Variants in ITIH6 observed in about 807,000 individuals in gnomAD.
The protein encoded by ITIH6 is inter-alpha-trypsin inhibitor heavy chain H6.
Under a neutral mutation model 58.2 loss-of-function variants are expected in ITIH6, and 60 were observed. The observed-to-expected ratio is 1.03, with a 90% CI of 0.84 to 1.28. ITIH6 has a LOEUF of 1.28. ITIH6 is among the 50% of genes most tolerant of loss of function. The probability of loss-of-function intolerance (pLI) is 0.00; values close to 1 mark genes in which losing one functional copy is unlikely to be tolerated. For synonymous variants in ITIH6, 493 were observed against 417.4 expected (o/e 1.18, Z -2.21); for missense variants, 1,290 against 1,021.1 (o/e 1.26, Z -3.59).
chrX:54,773,963 G>T, intron 6 of ITIH6, 118 bp downstream of exon 6: 1 of 400,913 alleles, frequency 2.5e-6, no homozygotes, highest in Non-Finnish European at 4.3e-6. Context: ...AAGCCTGTAA[G>T]ACTCAAGGGT....
At position 54,749,028 on chromosome X, in the gene ITIH6, T is replaced by A. The variant is rs1018845339; in HGVS notation, c.*867A>T. On this transcript the variant is annotated 3_prime_UTR_variant, in exon 13 of 13. Transcript: ENST00000218436. ...ATGTTTGTTTTGTGATTCCTGTGTT[T>A]CCATAAATGTCTGTCCCTCTATCCA... 1 of 111,703 alleles carries A rather than the reference T, an allele frequency of 9.0e-6. No homozygotes were observed. The highest frequency in any genetic ancestry group is 9.5e-5 in the Admixed American group (1 of 10,506). 9.2% of individuals were successfully genotyped at this position (111,703 alleles called of 1,213,427 possible). A position where few individuals can be genotyped will look rare whatever the true frequency, so the allele number is the denominator to read the frequency against.
intron 6 of ITIH6, among the ~76,000 whole-genome samples, chrX:54,767,488 G>C (rs2147608640): frequency 1.0e-5 from 1 of 100,169 alleles, no homozygotes; most frequent in South Asian, 4.4e-4. Context: ...ATGTTAGGGT[G>C]TCCATTTTGG....
At chrX:54,792,610 A>C (rs1254690484) in intron 2 of ITIH6, among the ~76,000 whole-genome samples, 1 of 111,474 alleles carries the variant, frequency 9.0e-6, no homozygotes, top group Admixed American at 9.6e-5. Flanking sequence ...ATTGTGAAAG[A>C]AGTGTGCAAA....
Position 54,749,942 on chromosome X carries a change from G to C in ITIH6, c.3895C>G (p.His1299Asp). 8.3e-7 allele frequency: 1 copy of C among 1,211,418 alleles called. No homozygotes were observed. Among genetic ancestry groups the C allele is most frequent in the Non-Finnish European group, 1.1e-6 (1 of 895,275 alleles). ...GGGTGGCCCAGAAGCAGCTCTACAT[G>C]AGAGCGCTTCACCAGCCAGCAGGAA... is the stretch of plus-strand genomic sequence containing the variant. ...WASCWLVKRSHVELLLGHPYL... is the reference protein window; with the variant it reads ...WASCWLVKRSDVELLLGHPYL... Residue 1299 changes from histidine to aspartate, a missense_variant, in exon 13 of 13, where the codon CAT (histidine) becomes GAT (aspartate). By Grantham distance (81) the His-to-Asp change is moderately conservative. Coordinates refer to ENST00000218436, the MANE Select transcript of ITIH6 (RefSeq NM_198510.3).
chrX:54,788,983 T>C (rs951311545), intron 4 of ITIH6, among the ~76,000 whole-genome samples: 2 of 112,487 alleles, frequency 1.8e-5, no homozygotes, highest in African/African-American at 6.5e-5. Context: ...AGGCGTGGCA[T>C]GTCCGGAGGT....
chrX:54,758,725 C>T lies in ITIH6; in HGVS notation c.1349G>A (p.Arg450Gln), dbSNP rs186138716. The T allele has an allele frequency of 6.6e-6, 8 of 1,209,540 alleles. No individual in the cohort carries two copies. The South Asian group carries it at 7.1e-5, about 11-fold the overall frequency. The change falls in exon 8 of 13, where the codon CGG becomes CAG. Residue 450 changes from arginine to glutamine, a missense_variant. Coordinates refer to ENST00000218436, the MANE Select transcript of ITIH6 (RefSeq NM_198510.3). ...RLSLENRGIA[R>Q]RIYEDTDAAL... The stretch of plus-strand genomic sequence containing the variant: ...CGCATCAGTGTCCTCATATATGCGC[C>T]GGGCTATTCCCCGGTTTTCCAGGGA...
chrX:54,770,472 C>T (rs1361381727), intron 6 of ITIH6, among the ~76,000 whole-genome samples: 1 of 112,925 alleles, frequency 8.9e-6, no homozygotes, highest in Non-Finnish European at 1.9e-5. Flanking sequence ...GGGCATTTTA[C>T]ATGATCCCGT....
intron 5 of ITIH6, among the ~76,000 whole-genome samples, chrX:54,786,573 G>A (rs1157913932): frequency 9.0e-6 from 1 of 111,068 alleles, no homozygotes; most frequent in Non-Finnish European, 1.9e-5. Flanking sequence ...GTTTTAGCCT[G>A]TTTCTTTTCT....
intron 11 of ITIH6, among the ~76,000 whole-genome samples, chrX:54,753,273 G>A (rs1337926063): frequency 8.9e-6 from 1 of 112,718 alleles, no homozygotes; most frequent in Non-Finnish European, 1.9e-5. Flanking sequence ...AAATTCCCAG[G>A]ACCCTCAGTT....
chrX:54,751,301 G>T lies in ITIH6; in HGVS notation c.3432C>A (p.Ile1144=), dbSNP rs1396874824. 2.5e-6 allele frequency: 3 copies of T among 1,210,170 alleles called. No homozygotes were observed. The highest frequency in any genetic ancestry group is 3.4e-6 in the Non-Finnish European group (3 of 895,090). Residue 1144 remains isoleucine (I), a synonymous_variant, in exon 12 of 13, where the codon ATC becomes ATA. Coordinates refer to ENST00000218436, the MANE Select transcript of ITIH6 (RefSeq NM_198510.3). ...HKDQTRTYFQ[I]ITVTTDKPRA... Reference sequence around the variant, plus strand: ...GGGGTTTGTCTGTAGTGACTGTGATGATCTGGAAGTAGGTGCGAGTCTGGT... The same window carrying T: ...GGGGTTTGTCTGTAGTGACTGTGATTATCTGGAAGTAGGTGCGAGTCTGGT...
intron 6 of ITIH6, among the ~76,000 whole-genome samples, chrX:54,761,895 G>A (rs933051785): frequency 3.6e-5 from 4 of 111,519 alleles, no homozygotes; most frequent in African/African-American, 1.3e-4. Flanking sequence ...TTGTTCTTTT[G>A]GCTTAAGACT....
intron 11 of ITIH6, among the ~76,000 whole-genome samples, chrX:54,753,320 A>G (rs747605560): frequency 8.9e-6 from 1 of 112,742 alleles, no homozygotes; most frequent in African/African-American, 3.2e-5. Flanking sequence ...ATCATTGCTT[A>G]TCTTGTACTT....
chrX:54,779,811 A>G (rs1164494949), intron 5 of ITIH6, among the ~76,000 whole-genome samples: 1 of 111,393 alleles, frequency 9.0e-6, no homozygotes, highest in Non-Finnish European at 1.9e-5. Flanking sequence ...CATTTCATCT[A>G]TAAGACACAC....
intron 8 of ITIH6, among the ~76,000 whole-genome samples, chrX:54,756,066 A>T (rs1195322335): frequency 9.0e-6 from 1 of 110,778 alleles, no homozygotes. Context: ...AAGTGGATGG[A>T]TTTGGTAAAT....
Position 54,758,960 on chromosome X carries a change from C to CT in ITIH6, c.1113dup (p.Val372SerfsTer5). 8.4e-7 allele frequency: 1 copy of CT among 1,184,132 alleles called. No homozygotes were observed. The highest frequency in any genetic ancestry group is 1.1e-6 in the Non-Finnish European group (1 of 880,353). On this transcript the variant is annotated frameshift_variant, in exon 8 of 13. Transcript: ENST00000218436. LOFTEE classifies it high-confidence loss of function. Reference sequence around the variant, plus strand: ...GGCTCCTGGTTGCTATGGTTCAGCACTGAAGCAGCTGCCAGCAGAGCTGAG... The same window carrying CT: ...GGCTCCTGGTTGCTATGGTTCAGCACTTGAAGCAGCTGCCAGCAGAGCTGAG...
intron 6 of ITIH6, 87 bp from the exon 7 acceptor site, chrX:54,760,014 T>C: frequency 4.0e-6 from 3 of 741,002 alleles, no homozygotes; most frequent in Non-Finnish European, 6.1e-6. Flanking sequence ...GGCATTAACA[T>C]CTAAGTGTTA....
In ITIH6 at chrX:54,759,665, G is replaced by A. The variant is rs755195080; in HGVS notation, c.1075+91C>T. ...TCTTGATATTTCAGGAACTGTGAGA[G>A]TTGAGGAGGATGGGGGAATGAAGAG... On this transcript the variant is annotated intron_variant, in intron 7 of 12. Coordinates refer to ENST00000218436, the MANE Select transcript of ITIH6 (RefSeq NM_198510.3). 44 of 720,854 alleles carry A rather than the reference G, an allele frequency of 6.1e-5. No individual in the cohort carries two copies. The South Asian group carries it at 8.6e-4, about 14-fold the overall frequency. 59.4% of individuals were successfully genotyped at this position (720,854 alleles called of 1,213,427 possible). A position where few individuals can be genotyped will look rare whatever the true frequency, so the allele number is the denominator to read the frequency against.
intron 4 of ITIH6, 59 bp from the exon 5 acceptor site, chrX:54,788,708 C>T: frequency 1.0e-6 from 1 of 990,537 alleles, no homozygotes; most frequent in South Asian, 2.0e-5. Flanking sequence ...GACAGAAGAA[C>T]CAGGGAAAGG....
rs151070597 is a variant in ITIH6 at position 54,758,423 on chromosome X, C to T, written c.1651G>A (p.Glu551Lys). Residue 551 changes from glutamate (E) to lysine (K), a missense_variant, in exon 8 of 13, where the codon GAG (glutamate) becomes AAG (lysine). Coordinates refer to ENST00000218436, the MANE Select transcript of ITIH6 (RefSeq NM_198510.3). ...NSQKAFGCPG[E>K]PAPNVAHFIR... ...AAGTGGGCCACATTGGGGGCTGGCT[C>T]CCCTGGGCAACCAAAGGCCTTCTGG... 4.1e-6 allele frequency: 5 copies of T among 1,208,659 alleles called. No individual in the cohort carries two copies. In the African/African-American group the frequency reaches 5.2e-5, roughly 13 times the overall value.
Sources: gnomAD v4.1 joint callset for allele counts (sites outside exome capture counted in the v4.1 genomes callset) on GRCh38, gnomAD v4.1.1 for gene constraint, MANE v1.5 for transcripts, NCBI Gene and HGNC (gene_info 2026-07-23, HGNC 2026-07-21) for gene names.